Variants in ANKUB1 observed in about 807,000 individuals in gnomAD.
The protein encoded by ANKUB1 is protein ANKUB1.
A neutral mutation model predicts 49.3 loss-of-function variants in ANKUB1; 42 were observed. The ratio of observed to expected loss-of-function variants is 0.85; its 90% CI spans 0.67 to 1.10. ANKUB1 has a LOEUF of 1.10. Among genes scored for constraint, ANKUB1 ranks in the 50% least tolerant of loss-of-function variants. ANKUB1 has a pLI of 0.00. For missense variants in ANKUB1, 613 were observed against 642.0 expected (o/e 0.95, Z 0.49); for synonymous variants, 222 against 231.0 (o/e 0.96, Z 0.35).
intron 2 of ANKUB1, among the ~76,000 whole-genome samples, chr3:149,784,756 C>T (rs1389176517): frequency 6.6e-6 from 1 of 152,006 alleles, no homozygotes; most frequent in Non-Finnish European, 1.5e-5. Flanking sequence ...AGTGCTTTGC[C>T]CTAAGAGTAG....
At chr3:149,789,656 G>A (rs1214639993) in intron 2 of ANKUB1, among the ~76,000 whole-genome samples, 2 of 150,260 alleles carry the variant, frequency 1.3e-5, no homozygotes, top group Non-Finnish European at 1.5e-5. Context: ...CCGAGATGGG[G>A]TCTCACTCTG....
At position 149,782,806 on chromosome 3, in the gene ANKUB1, T is replaced by G. The variant is rs546470029; in HGVS notation, c.235-2351A>C. ...CCATCCACCTCAGCCTCCCAAAGTATTGGGATTACAGGAGTGAGCTTCTGT... is the reference window on the plus strand; with the variant it reads ...CCATCCACCTCAGCCTCCCAAAGTAGTGGGATTACAGGAGTGAGCTTCTGT... On this transcript the variant is annotated intron_variant, in intron 2 of 5. Transcript: ENST00000446160. Among the ~76,000 whole-genome samples, 240 of 152,266 alleles carry G rather than the reference T, an allele frequency of 1.6e-3. 1 individual carries two copies. The highest frequency in any genetic ancestry group is 5.7e-3 in the African/African-American group (236 of 41,548).
At chr3:149,764,056 T>C (rs73005769) in intron 5 of ANKUB1, 19,429 of 456,040 alleles carry the variant, frequency 0.043, 527 homozygotes, top group Non-Finnish European at 0.054. Context: ...CATGAAGGAT[T>C]ACATTAGGTT....
At chr3:149,766,922 CTTTCCCTCCTGAAAGT>C in intron 5 of ANKUB1, 1 of 1,131,966 alleles carries the variant, frequency 8.8e-7, no homozygotes, top group Non-Finnish European at 1.3e-6. Flanking sequence ...TACTGTGTTT[CTTTCCCTCCTGAAAGT>C]TTGAGGAGTA....
Position 149,761,615 on chromosome 3 carries a change from T to C in ANKUB1, c.1506-2A>G. On this transcript the variant is annotated splice_acceptor_variant, in intron 5 of 5. Coordinates refer to ENST00000446160, the MANE Select transcript of ANKUB1 (RefSeq NM_001144960.3). LOFTEE classifies it high-confidence loss of function. ...AGCCATCGTTTCTCTTTAAAGGCACTGCAAGAAAACAAGATATAATTTGTA... is the reference window on the plus strand; with the variant it reads ...AGCCATCGTTTCTCTTTAAAGGCACCGCAAGAAAACAAGATATAATTTGTA... 1 of 1,550,614 alleles carries C rather than the reference T, an allele frequency of 6.4e-7. No individual in the cohort carries two copies. The highest frequency in any genetic ancestry group is 8.7e-7 in the Non-Finnish European group (1 of 1,146,486).
At chr3:149,770,488 G>T in intron 4 of ANKUB1, 72 bp downstream of exon 4, 5 of 1,141,274 alleles carry the variant, frequency 4.4e-6, no homozygotes, top group Non-Finnish European at 6.4e-6. Context: ...TGAATTGCAG[G>T]CTCAAGGTAT....
At chr3:149,789,878 C>T (rs954903492) in intron 2 of ANKUB1, among the ~76,000 whole-genome samples, 1 of 152,064 alleles carries the variant, frequency 6.6e-6, no homozygotes, top group African/African-American at 2.4e-5. Context: ...TCTTCCCACC[C>T]AGGTGTGAGC....
chr3:149,792,331 T>C lies in ANKUB1; in HGVS notation c.36A>G (p.Glu12=). 1 of 1,531,126 alleles carries C rather than the reference T, an allele frequency of 6.5e-7. No homozygotes were observed. The highest frequency in any genetic ancestry group is 8.8e-7 in the Non-Finnish European group (1 of 1,135,878). 94.8% of individuals were successfully genotyped at this position (1,531,126 alleles called of 1,614,324 possible). A position where few individuals can be genotyped will look rare whatever the true frequency, so the allele number is the denominator to read the frequency against. Residue 12 remains glutamate (E), a synonymous_variant, in exon 1 of 6, where the codon GAA becomes GAG. Transcript: ENST00000446160. ...TTTCATCTGCTGAAACATCAAACGG[T>C]TCAAAAGATCCTTCAAAGGCGATGA... ...RIFIAFEGSF[E]PFDVSADETV... is the part of the protein sequence containing the mutation.
At chr3:149,780,532 A>G (rs190724555) in intron 2 of ANKUB1, 77 bp from the exon 3 acceptor site, 1 of 1,057,066 alleles carries the variant, frequency 9.5e-7, no homozygotes, top group African/African-American at 1.6e-5. Context: ...GGTAGCTTTG[A>G]GCACCTCTAG....
intron 1 of ANKUB1, 139 bp downstream of exon 1, chr3:149,792,138 T>C (rs968898414): frequency 2.1e-6 from 1 of 484,860 alleles, no homozygotes; most frequent in Non-Finnish European, 3.4e-6. Flanking sequence ...TGTAAGCAAA[T>C]AATAGTATTT....
chr3:149,773,514 G>GT (rs1215972846), intron 3 of ANKUB1, among the ~76,000 whole-genome samples: 3 of 152,196 alleles, frequency 2.0e-5, no homozygotes, highest in African/African-American at 4.8e-5. Context: ...CAGCTATTCT[G>GT]TAGAAATACC....
intron 3 of ANKUB1, among the ~76,000 whole-genome samples, chr3:149,771,915 CATT>C (rs1432760138): frequency 6.6e-6 from 1 of 152,028 alleles, no homozygotes; most frequent in African/African-American, 2.4e-5. Flanking sequence ...AAAGACCACT[CATT>C]ATCTTTCACC....
chr3:149,790,678 G>A, intron 2 of ANKUB1, 103 bp downstream of exon 2: 1 of 1,196,942 alleles, frequency 8.4e-7, no homozygotes, highest in Non-Finnish European at 1.1e-6. Flanking sequence ...GGCAAAAAGA[G>A]ACAATTTCTT....
chr3:149,770,296 C>T (rs150015386), intron 4 of ANKUB1, among the ~76,000 whole-genome samples: 5 of 152,054 alleles, frequency 3.3e-5, no homozygotes, highest in Non-Finnish European at 7.4e-5. Flanking sequence ...ATCCCTAACC[C>T]CTGCATTGTT....
intron 2 of ANKUB1, among the ~76,000 whole-genome samples, chr3:149,786,077 C>T (rs1718086654): frequency 6.6e-6 from 1 of 150,456 alleles, no homozygotes; most frequent in South Asian, 2.1e-4. Context: ...GCTTTTTCGC[C>T]CAGGCCAGAG....
intron 2 of ANKUB1, among the ~76,000 whole-genome samples, chr3:149,786,023 T>TTTTATTTATTTATTTATTTATTTATTTA (rs575224030): frequency 1.3e-5 from 2 of 151,716 alleles, no homozygotes; most frequent in Non-Finnish European, 2.9e-5. Flanking sequence ...GATGATGAGC[T>TTTTATTTATTTATTTATTTATTTATTTA]TTTATTTATT....
intron 2 of ANKUB1, among the ~76,000 whole-genome samples, chr3:149,782,274 T>G (rs1346339562): frequency 6.6e-6 from 1 of 152,126 alleles, no homozygotes; most frequent in African/African-American, 2.4e-5. Context: ...AAAAATTTTT[T>G]TTTAGAGTCT....
chr3:149,767,096 C>G, intron 5 of ANKUB1, 61 bp downstream of exon 5: 1 of 1,410,486 alleles, frequency 7.1e-7, no homozygotes, highest in East Asian at 2.5e-5. Context: ...TGGACCATTC[C>G]TTATCCTGGA....
chr3:149,766,976 T>C, intron 5 of ANKUB1, 181 bp downstream of exon 5: 1 of 990,320 alleles, frequency 1.0e-6, no homozygotes, highest in Non-Finnish European at 1.5e-6. Flanking sequence ...GATTGGCCAA[T>C]AATATTAATT....
Sources: gnomAD v4.1 joint callset for allele counts (sites outside exome capture counted in the v4.1 genomes callset) on GRCh38, gnomAD v4.1.1 for gene constraint, MANE v1.5 for transcripts, NCBI Gene and HGNC (gene_info 2026-07-23, HGNC 2026-07-21) for gene names.